The following TTLL11 variants were observed in gnomAD, a reference collection of about 807,000 sequenced individuals.
The protein encoded by TTLL11 is tubulin polyglutamylase TTLL11.
A neutral mutation model predicts 51.7 loss-of-function variants in TTLL11; 42 were observed. That is an observed-to-expected ratio of 0.81 (90% CI 0.64 to 1.05). TTLL11 has a LOEUF of 1.05. TTLL11 is among the 50% of genes least tolerant of loss of function. TTLL11 has a pLI of 0.00. For missense variants in TTLL11, 799 were observed against 940.4 expected (o/e 0.85, Z 1.97); for synonymous variants, 381 against 383.5 (o/e 0.99, Z 0.08).
chr9:121,888,281 C>T (rs1358104185), intron 6 of TTLL11, among the ~76,000 whole-genome samples: 1 of 152,228 alleles, frequency 6.6e-6, no homozygotes, highest in Non-Finnish European at 1.5e-5. Flanking sequence ...GGAGTCAACA[C>T]ATCTGAAGAG....
intron 3 of TTLL11, among the ~76,000 whole-genome samples, chr9:122,027,736 C>T (rs1400525749): frequency 6.6e-6 from 1 of 152,126 alleles, no homozygotes; most frequent in Admixed American, 6.5e-5. Context: ...CACCAGCAGA[C>T]CTGCACTGTG....
intron 6 of TTLL11, among the ~76,000 whole-genome samples, chr9:121,893,167 C>A (rs1839321372): frequency 6.6e-6 from 1 of 151,928 alleles, no homozygotes. Context: ...TTCCTATTTT[C>A]CTAATTATAA....
chr9:122,001,079 G>A (rs1163801215), intron 3 of TTLL11, among the ~76,000 whole-genome samples: 1 of 152,026 alleles, frequency 6.6e-6, no homozygotes, highest in Non-Finnish European at 1.5e-5. Context: ...TTGTGTGTAT[G>A]TGTGTGCAAC....
intron 3 of TTLL11, among the ~76,000 whole-genome samples, chr9:122,018,616 G>A (rs1438762434): frequency 6.6e-6 from 1 of 152,206 alleles, no homozygotes; most frequent in Non-Finnish European, 1.5e-5. Flanking sequence ...GGACTGAGTC[G>A]AGGAGAGGGA....
intron 3 of TTLL11, among the ~76,000 whole-genome samples, chr9:122,007,542 A>C (rs1008309253): frequency 6.6e-6 from 1 of 152,176 alleles, no homozygotes; most frequent in African/African-American, 2.4e-5. Context: ...CCAAATCTCA[A>C]ATAAATTTGA....
At chr9:122,033,907 T>C (rs1015444996) in intron 2 of TTLL11, among the ~76,000 whole-genome samples, 3 of 152,234 alleles carry the variant, frequency 2.0e-5, no homozygotes, top group Admixed American at 6.5e-5. Context: ...GAAGGGAGTC[T>C]GGAAAATCAC....
chr9:121,872,977 T>C (rs1245599643), intron 6 of TTLL11, among the ~76,000 whole-genome samples: 1 of 152,182 alleles, frequency 6.6e-6, no homozygotes, highest in African/African-American at 2.4e-5. Flanking sequence ...TGAAATGTTT[T>C]CCCATTAAGG....
chr9:121,837,149 G>A (rs1370065169), intron 8 of TTLL11, among the ~76,000 whole-genome samples: 1 of 152,136 alleles, frequency 6.6e-6, no homozygotes, highest in Non-Finnish European at 1.5e-5. Flanking sequence ...GATGTACCAT[G>A]AGTTTCTAAA....
chr9:122,047,585 A>C (rs1845050418), intron 1 of TTLL11, among the ~76,000 whole-genome samples: 1 of 151,966 alleles, frequency 6.6e-6, no homozygotes, highest in Admixed American at 6.6e-5. Context: ...AGAGAGAGAG[A>C]GTACATGTTG....
intron 8 of TTLL11, among the ~76,000 whole-genome samples, chr9:121,827,450 C>T (rs1253906447): frequency 2.0e-5 from 3 of 152,256 alleles, no homozygotes; most frequent in Admixed American, 1.3e-4. Flanking sequence ...GAACAGGGCT[C>T]GACCCCAGCT....
chr9:121,878,132 C>A (rs180861080), intron 6 of TTLL11, among the ~76,000 whole-genome samples: 3 of 152,308 alleles, frequency 2.0e-5, no homozygotes, highest in Admixed American at 2.0e-4. Flanking sequence ...TCACTGAACT[C>A]ATTTTCCCCT....
rs1272004753 is a variant in TTLL11 at position 121,875,906 on chromosome 9, T to C, written c.1482-5158A>G. Among the ~76,000 whole-genome samples the C allele has an allele frequency of 2.6e-5, 4 of 152,366 alleles. No homozygotes were observed. The East Asian group carries it at 7.7e-4, about 29-fold the overall frequency. On this transcript the variant is annotated intron_variant, in intron 6 of 8. Coordinates refer to ENST00000321582, the MANE Select transcript of TTLL11 (RefSeq NM_001139442.2). The stretch of plus-strand genomic sequence containing the variant: ...TTTTCAAATACAATGGAATCATTTT[T>C]CATTGAAACTTGTGAAAAACCACCT...
chr9:121,826,557 G>GTGTGTATATATATATATA (rs1189626793), intron 8 of TTLL11, among the ~76,000 whole-genome samples: 109 of 51,334 alleles, frequency 2.1e-3, no homozygotes, highest in African/African-American at 7.3e-3. Flanking sequence ...ATATGTGTGT[G>GTGTGTATATATATATATA]TATATATATA....
In TTLL11 at chr9:121,961,952, A is replaced by G. The variant is rs184565835; in HGVS notation, c.1481+12057T>C. Among the ~76,000 whole-genome samples the G allele has an allele frequency of 3.9e-5, 6 of 152,278 alleles. No individual in the cohort carries two copies. In the East Asian group the frequency reaches 9.7e-4, roughly 25 times the overall value. The stretch of plus-strand genomic sequence containing the variant: ...GTGCCTGTGATACCAGCTACTCGGG[A>G]GGCTGAGGCAGGAGAACCACTTGAA... On this transcript the variant is annotated intron_variant, in intron 6 of 8. Transcript: ENST00000321582.
Position 122,092,668 on chromosome 9 carries a change from G to A in TTLL11, c.462+19C>T, listed in dbSNP as rs1365458926. 2.0e-6 allele frequency: 3 copies of A among 1,536,306 alleles called. No homozygotes were observed. Among genetic ancestry groups the A allele is most frequent in the Non-Finnish European group, 2.6e-6 (3 of 1,146,676 alleles). The stretch of plus-strand genomic sequence containing the variant: ...TCCACCCCACTGTGCCCACGCGGCC[G>A]GGTCGGGCCGGGCCTCACCTCCTTC... On this transcript the variant is annotated intron_variant, in intron 1 of 8. Transcript: ENST00000321582.
At chr9:121,941,096 C>T (rs1841444046) in intron 6 of TTLL11, among the ~76,000 whole-genome samples, 15 of 152,188 alleles carry the variant, frequency 9.9e-5, no homozygotes, top group Admixed American at 9.8e-4. Flanking sequence ...ATCATCTTAC[C>T]CAGAGTGTCT....
intron 6 of TTLL11, among the ~76,000 whole-genome samples, chr9:121,902,397 A>T (rs1007918385): frequency 3.3e-5 from 5 of 152,210 alleles, no homozygotes; most frequent in Admixed American, 6.5e-5. Flanking sequence ...CTGAGTTCTT[A>T]CTTTTTCCAT....
chr9:122,092,901 C>G lies in TTLL11; in HGVS notation c.248G>C (p.Arg83Pro). Reference protein sequence around the residue: ...AEEGNTQVLQRPPPTLPPSKP... With the variant: ...AEEGNTQVLQPPPPTLPPSKP... ...GGACGGGGGCAGCGTGGGCGGCGGCCGCTGAAGGACCTGGGTGTTCCCCTC... is the reference window on the plus strand; with the variant it reads ...GGACGGGGGCAGCGTGGGCGGCGGCGGCTGAAGGACCTGGGTGTTCCCCTC... Residue 83 changes from arginine (R) to proline (P), a missense_variant, in exon 1 of 9, where the codon CGG becomes CCG. Arg to Pro is a moderately radical substitution (Grantham distance 103). Coordinates refer to ENST00000321582, the MANE Select transcript of TTLL11 (RefSeq NM_001139442.2). 6.4e-7 allele frequency: 1 copy of G among 1,571,216 alleles called. No homozygotes were observed. The highest frequency in any genetic ancestry group is 8.6e-7 in the Non-Finnish European group (1 of 1,166,798).
At chr9:122,008,998 G>A (rs1028596032) in intron 3 of TTLL11, among the ~76,000 whole-genome samples, 20 of 152,198 alleles carry the variant, frequency 1.3e-4, no homozygotes, top group Admixed American at 5.2e-4. Context: ...TGAACACACA[G>A]AAGTAGAGAA....
Sources: allele counts gnomAD v4.1 joint callset (sites outside exome capture counted in the v4.1 genomes callset), GRCh38; gene constraint gnomAD v4.1.1; transcripts MANE v1.5; gene names NCBI Gene and HGNC (gene_info 2026-07-23, HGNC 2026-07-21).